The following WNT3 variants were observed in gnomAD, a reference collection of about 807,000 sequenced individuals.
WNT3 encodes the protein proto-oncogene Wnt-3.
WNT3 carries 7 observed loss-of-function variants against 34.2 expected under a neutral mutation model. The ratio of observed to expected loss-of-function variants is 0.20; its 90% CI spans 0.12 to 0.38. The LOEUF (loss-of-function observed/expected upper bound fraction) is 0.38, where lower values mean the gene tolerates loss of function less well. Among genes scored for constraint, WNT3 ranks in the 10% least tolerant of loss-of-function variants. WNT3 has a pLI of 1.00. For missense variants in WNT3, 267 were observed against 499.8 expected (o/e 0.53, Z 4.44); for synonymous variants, 212 against 211.5 (o/e 1.00, Z -0.02).
rs2059297016 is a variant in WNT3 at position 46,764,612 on chromosome 17, T to TC, written c.*17dup. 6.6e-6 allele frequency: 1 copy of TC among 152,274 alleles called. No individual in the cohort carries two copies. Among genetic ancestry groups the TC allele is most frequent in the Non-Finnish European group, 1.5e-5 (1 of 68,096 alleles). 9.4% of individuals were successfully genotyped at this position (152,274 alleles called of 1,614,324 possible). ...CCGCCCAGCCACACACTTCACCCCT[T>TC]CCCAGCGCCCTTGGGGAAAATCAAG... On this transcript the variant is annotated 3_prime_UTR_variant, in exon 5 of 5. Transcript: ENST00000225512.
intron 1 of WNT3, among the ~76,000 whole-genome samples, chr17:46,810,415 G>A (rs1237184782): frequency 2.0e-5 from 3 of 152,168 alleles, no homozygotes; most frequent in Non-Finnish European, 2.9e-5. Context: ...TCCTGTAGGG[G>A]TCCTGATGCT....
In WNT3 at chr17:46,795,880, TCA is replaced by T. The variant is rs774284699; in HGVS notation, c.81-21973_81-21972del. 4.0e-5 allele frequency among the ~76,000 whole-genome samples: 6 copies of T among 151,834 alleles called. No individual in the cohort carries two copies. In the East Asian group the frequency reaches 5.8e-4, roughly 15 times the overall value. ...CTGTCTCTGTCTCTCCCTCTCTCTC[TCA>T]CACACACACACATGCATGCACGCAC... is the stretch of plus-strand genomic sequence containing the variant. On this transcript the variant is annotated intron_variant, in intron 1 of 4. Transcript: ENST00000225512.
In WNT3 at chr17:46,784,814, C is replaced by T. The variant is rs181760133; in HGVS notation, c.81-10905G>A. 4.2e-3 allele frequency among the ~76,000 whole-genome samples: 626 copies of T among 149,144 alleles called. 9 individuals are homozygous for T. The highest frequency in any genetic ancestry group is 0.028 in the Admixed American group (412 of 14,744). ...TTTTTGAGATGGAGTCTCGCTCTGT[C>T]GCCCAGGCTGGAGTGCAGTGGCGCG... On this transcript the variant is annotated intron_variant, in intron 1 of 4. Coordinates refer to ENST00000225512, the MANE Select transcript of WNT3 (RefSeq NM_030753.5).
intron 2 of WNT3, among the ~76,000 whole-genome samples, chr17:46,773,180 G>A (rs1029331472): frequency 6.6e-6 from 1 of 152,072 alleles, no homozygotes. Flanking sequence ...TGATTCCTGG[G>A]CATATCCAGC....
intron 1 of WNT3, among the ~76,000 whole-genome samples, chr17:46,781,913 G>A (rs1440789725): frequency 6.6e-6 from 1 of 152,202 alleles, no homozygotes; most frequent in Non-Finnish European, 1.5e-5. Context: ...TGCCCAGGAG[G>A]TGGGAGGAGA....
rs2059331702 is a variant in WNT3 at position 46,768,216 on chromosome 17, G to C, written c.*8+96C>G. 1.3e-6 allele frequency: 2 copies of C among 1,557,486 alleles called. No individual in the cohort carries two copies. The highest frequency in any genetic ancestry group is 2.7e-5 in the African/African-American group (2 of 73,762). ...GAACTTGTGTGTCTTGGATAGCTTAGAAACAGAAGGGGGTCGTCAAGAAGA... is the reference window on the plus strand; with the variant it reads ...GAACTTGTGTGTCTTGGATAGCTTACAAACAGAAGGGGGTCGTCAAGAAGA... On this transcript the variant is annotated intron_variant, in intron 4 of 4. Transcript: ENST00000225512. The surrounding 1 kb of genome is among the most constrained non-coding windows in gnomAD (Gnocchi z 5.0).
chr17:46,779,103 A>ACCCCCCC (rs3219936), intron 1 of WNT3, among the ~76,000 whole-genome samples: 59 of 133,652 alleles, frequency 4.4e-4, no homozygotes, highest in Admixed American at 2.5e-3. Context: ...ACACACACAC[A>ACCCCCCC]CCCCAGCCCA....
At chr17:46,817,319 G>A (rs1001887029) in intron 1 of WNT3, among the ~76,000 whole-genome samples, 3 of 152,128 alleles carry the variant, frequency 2.0e-5, no homozygotes, top group Non-Finnish European at 2.9e-5. Context: ...CTTTCACCCC[G>A]GGGGCCACAG....
At chr17:46,806,157 T>G (rs1348486984) in intron 1 of WNT3, among the ~76,000 whole-genome samples, 1 of 152,064 alleles carries the variant, frequency 6.6e-6, no homozygotes, top group East Asian at 1.9e-4. Context: ...AGCTCCTGGT[T>G]GGGTCCTGTG....
chr17:46,810,732 A>G (rs1322441235), intron 1 of WNT3, among the ~76,000 whole-genome samples: 1 of 151,674 alleles, frequency 6.6e-6, no homozygotes, highest in Non-Finnish European at 1.5e-5. Flanking sequence ...TAGCTGGGTG[A>G]CCTGAACGCG....
chr17:46,812,571 C>T (rs1488904331), intron 1 of WNT3, among the ~76,000 whole-genome samples: 3 of 152,128 alleles, frequency 2.0e-5, no homozygotes, highest in Non-Finnish European at 2.9e-5. Context: ...CTCTGGGGGT[C>T]GGGGAATGAT....
chr17:46,817,633 G>GCC (rs985375014), intron 1 of WNT3, among the ~76,000 whole-genome samples: 10 of 146,262 alleles, frequency 6.8e-5, no homozygotes, highest in African/African-American at 2.6e-4. Flanking sequence ...GACACGCACA[G>GCC]CCCCCCCCAA....
intron 1 of WNT3, among the ~76,000 whole-genome samples, chr17:46,811,148 A>G (rs2084269926): frequency 6.9e-6 from 1 of 144,582 alleles, no homozygotes; most frequent in African/African-American, 2.5e-5. Context: ...TACTGGCTTC[A>G]GCAACTCTAC....
chr17:46,783,625 C>CCCT, intron 1 of WNT3, among the ~76,000 whole-genome samples: 1 of 152,286 alleles, frequency 6.6e-6, no homozygotes, highest in Non-Finnish European at 1.5e-5. Context: ...AACCTCTGGG[C>CCCT]CAGAGGGTGC....
intron 1 of WNT3, among the ~76,000 whole-genome samples, chr17:46,796,769 G>C (rs1008490261): frequency 2.0e-5 from 3 of 152,230 alleles, no homozygotes; most frequent in Admixed American, 6.5e-5. Context: ...GCATAGGAGA[G>C]GGGGCTCAGC....
intron 1 of WNT3, among the ~76,000 whole-genome samples, chr17:46,798,796 T>A (rs1186847130): frequency 6.6e-6 from 1 of 152,176 alleles, no homozygotes; most frequent in Non-Finnish European, 1.5e-5. Context: ...ACACCTGTAA[T>A]CCCAGCACTT....
chr17:46,813,030 C>T (rs2084296245), intron 1 of WNT3, among the ~76,000 whole-genome samples: 1 of 152,098 alleles, frequency 6.6e-6, no homozygotes, highest in African/African-American at 2.4e-5. Flanking sequence ...GATGGCCTGG[C>T]TCCAGAAGAG....
rs1598753701 is a variant in WNT3 at position 46,768,935 on chromosome 17, G to A, written c.589-136C>T. ...TCTGTGACAGGAAGAGAACTGATGGGGACTGAGGCAAGACCTAAAGAATAG... is the reference window on the plus strand; with the variant it reads ...TCTGTGACAGGAAGAGAACTGATGGAGACTGAGGCAAGACCTAAAGAATAG... On this transcript the variant is annotated intron_variant, in intron 3 of 4. Coordinates refer to ENST00000225512, the MANE Select transcript of WNT3 (RefSeq NM_030753.5). This position sits in a 1 kb window ranked among gnomAD's most constrained non-coding sequence, Gnocchi z 5.0. 3.7e-6 allele frequency: 5 copies of A among 1,349,434 alleles called. No homozygotes were observed. In the South Asian group the frequency reaches 4.3e-5, roughly 12 times the overall value. The allele number at this position is 1,349,434 out of a possible 1,614,324, so 83.6% of individuals were successfully genotyped here. A position where few individuals can be genotyped will look rare whatever the true frequency, so the allele number is the denominator to read the frequency against.
chr17:46,795,742 C>A (rs1443295854), intron 1 of WNT3, among the ~76,000 whole-genome samples: 1 of 152,200 alleles, frequency 6.6e-6, no homozygotes, highest in Non-Finnish European at 1.5e-5. Flanking sequence ...TCAAAGCCAG[C>A]CCCACCCGGG....
Sources: gnomAD v4.1 joint callset for allele counts (sites outside exome capture counted in the v4.1 genomes callset) on GRCh38, gnomAD v4.1.1 for gene constraint, Gnocchi (gnomAD v3.1) non-coding constraint, MANE v1.5 for transcripts, NCBI Gene and HGNC (gene_info 2026-07-23, HGNC 2026-07-21) for gene names.